Variants in PCLO observed in about 807,000 individuals in gnomAD.
PCLO encodes the protein protein piccolo.
Under a neutral mutation model 427.5 loss-of-function variants are expected in PCLO, and 82 were observed. That is an observed-to-expected ratio of 0.19 (90% CI 0.16 to 0.23). The LOEUF is 0.23. PCLO is among the 10% of genes least tolerant of loss of function. PCLO has a pLI of 1.00. For missense variants in PCLO, 6,239 were observed against 6,115.9 expected (o/e 1.02, Z -0.67); for synonymous variants, 2,357 against 2,155.4 (o/e 1.09, Z -2.59).
intron 3 of PCLO, among the ~76,000 whole-genome samples, chr7:83,101,268 C>G (rs185694552): frequency 6.9e-6 from 1 of 145,536 alleles, no homozygotes; most frequent in Non-Finnish European, 1.5e-5. Flanking sequence ...TTAAAAACAA[C>G]CAAAAAATAA....
At chr7:82,824,657 T>C (rs1229645184) in intron 18 of PCLO, among the ~76,000 whole-genome samples, 2 of 150,774 alleles carry the variant, frequency 1.3e-5, no homozygotes, top group East Asian at 3.9e-4. Context: ...TTTTGACTAT[T>C]AACTAAATTA....
intron 9 of PCLO, among the ~76,000 whole-genome samples, chr7:82,883,342 T>C (rs74754181): frequency 3.0e-3 from 458 of 152,296 alleles, no homozygotes; most frequent in African/African-American, 0.01. Context: ...AATTTAATTT[T>C]ATATTATTTC....
intron 15 of PCLO, among the ~76,000 whole-genome samples, 189 bp downstream of exon 15, chr7:82,838,029 C>T (rs1420852070): frequency 6.6e-6 from 1 of 151,944 alleles, no homozygotes; most frequent in Non-Finnish European, 1.5e-5. Flanking sequence ...TTCTACAACC[C>T]TGTAAGGCTT....
At position 82,916,558 on chromosome 7, in the gene PCLO, C is replaced by G; in HGVS notation, c.11428G>C (p.Glu3810Gln). ...TTTTCTCTCTCCTTTAATAGGGCCTCTTTCCTCCTGTTAATTCCCATTTCC... is the reference window on the plus strand; with the variant it reads ...TTTTCTCTCTCCTTTAATAGGGCCTGTTTCCTCCTGTTAATTCCCATTTCC... The part of the protein sequence containing the change: ...YLEMGINRRK[E>Q]ALLKEREKRE... Residue 3810 changes from glutamate (E) to glutamine (Q), a missense_variant, in exon 7 of 25, where the codon GAG (glutamate) becomes CAG (glutamine). Physicochemically the swap from Glu to Gln is conservative, Grantham distance 29 (BLOSUM62 2). Coordinates refer to ENST00000333891, the MANE Select transcript of PCLO (RefSeq NM_033026.6). The G allele has an allele frequency of 6.2e-7, 1 of 1,613,666 alleles. No homozygotes were observed. Among genetic ancestry groups the G allele is most frequent in the East Asian group, 2.2e-5 (1 of 44,846 alleles).
At chr7:83,049,160 C>A (rs1267961312) in intron 3 of PCLO, among the ~76,000 whole-genome samples, 1 of 152,140 alleles carries the variant, frequency 6.6e-6, no homozygotes, top group Non-Finnish European at 1.5e-5. Context: ...CACTTTCAGC[C>A]TGCTCTGTCA....
intron 3 of PCLO, among the ~76,000 whole-genome samples, chr7:82,986,627 C>T (rs1283619815): frequency 6.6e-6 from 1 of 151,822 alleles, no homozygotes; most frequent in Non-Finnish European, 1.5e-5. Flanking sequence ...GCACAAGATG[C>T]TGAATAAATT....
chr7:82,838,027 C>T lies in PCLO; in HGVS notation c.14222+191G>A, dbSNP rs566487915. On this transcript the variant is annotated intron_variant, in intron 15 of 24. Transcript: ENST00000333891. The stretch of plus-strand genomic sequence containing the variant: ...CATTATGATCACTGTTCTTCTACAA[C>T]CCTGTAAGGCTTAATTACAAGTTTT... Among the ~76,000 whole-genome samples, 12 of 152,008 alleles carry T rather than the reference C, an allele frequency of 7.9e-5. 1 individual carries two copies. The South Asian group carries it at 2.1e-3, about 26-fold the overall frequency.
chr7:82,865,125 C>T (rs1254594046), intron 10 of PCLO, among the ~76,000 whole-genome samples: 1 of 151,992 alleles, frequency 6.6e-6, no homozygotes, highest in African/African-American at 2.4e-5. Flanking sequence ...CTCTTGGCTG[C>T]CTTTTGTCCT....
In PCLO at chr7:82,950,596, G is replaced by C. The variant is rs2116422192; in HGVS notation, c.9992C>G (p.Thr3331Ser). The change falls in exon 6 of 25, where the codon ACT (threonine) becomes AGT (serine). Residue 3331 changes from threonine to serine, a missense_variant. Coordinates refer to ENST00000333891, the MANE Select transcript of PCLO (RefSeq NM_033026.6). Reference protein sequence around the residue: ...DPSGTASPQTTTEQAILEGQY... With the variant: ...DPSGTASPQTSTEQAILEGQY... Reference sequence around the variant, plus strand: ...ACCTTCCAAAATTGCCTGCTCTGTAGTGGTTTGTGGAGAAGCAGTTCCAGA... The same window carrying C: ...ACCTTCCAAAATTGCCTGCTCTGTACTGGTTTGTGGAGAAGCAGTTCCAGA... 1 of 1,613,896 alleles carries C rather than the reference G, an allele frequency of 6.2e-7. No individual in the cohort carries two copies. Among genetic ancestry groups the C allele is most frequent in the Admixed American group, 1.7e-5 (1 of 60,008 alleles).
chr7:82,881,366 C>T (rs1179199598), intron 9 of PCLO, among the ~76,000 whole-genome samples: 3 of 152,142 alleles, frequency 2.0e-5, no homozygotes, highest in Non-Finnish European at 4.4e-5. Context: ...TAGCTGAGCA[C>T]CTTCTAAAAC....
rs529306648 is a variant in PCLO, at chr7:82,889,176, G to A, written c.13529-9714C>T. ...TTCAGTGTTCCCCAGCACAACCCCC[G>A]TGTGGCTCTGTGTCATGTGTGGTGT... On this transcript the variant is annotated intron_variant, in intron 9 of 24. Coordinates refer to ENST00000333891, the MANE Select transcript of PCLO (RefSeq NM_033026.6). Among the ~76,000 whole-genome samples the A allele has an allele frequency of 3.3e-5, 5 of 152,074 alleles. No homozygotes were observed. In the South Asian group the frequency reaches 6.2e-4, roughly 19 times the overall value.
intron 3 of PCLO, among the ~76,000 whole-genome samples, chr7:83,123,692 T>C (rs1008789160): frequency 1.3e-5 from 2 of 151,882 alleles, no homozygotes; most frequent in African/African-American, 4.8e-5. Flanking sequence ...ACAACCCATA[T>C]AATGGGAGAA....
chr7:82,948,043 T>A (rs1795245030), intron 6 of PCLO, among the ~76,000 whole-genome samples: 1 of 152,106 alleles, frequency 6.6e-6, no homozygotes, highest in Non-Finnish European at 1.5e-5. Flanking sequence ...TATTTCAAAG[T>A]TGTTCACATA....
At chr7:82,789,064 AATG>A (rs1184540026) in intron 22 of PCLO, among the ~76,000 whole-genome samples, 3 of 152,066 alleles carry the variant, frequency 2.0e-5, no homozygotes, top group Non-Finnish European at 2.9e-5. Context: ...TATGAAAAAA[AATG>A]ATTAGTTATA....
Position 82,954,124 on chromosome 7 carries a change from C to T in PCLO, c.6829G>A (p.Val2277Ile). The T allele has an allele frequency of 6.2e-7, 1 of 1,613,880 alleles. No individual in the cohort carries two copies. Among genetic ancestry groups the T allele is most frequent in the Non-Finnish European group, 8.5e-7 (1 of 1,179,842 alleles). ...SDMASSIIES[V>I]VPKPEGPVAD... ...ACTGGCCCTTCAGGTTTAGGTACTACAGATTCTATGATAGAAGATGCCATA... is the reference window on the plus strand; with the variant it reads ...ACTGGCCCTTCAGGTTTAGGTACTATAGATTCTATGATAGAAGATGCCATA... Residue 2277 changes from valine to isoleucine, a missense_variant, in exon 5 of 25, where the codon GTA becomes ATA. By Grantham distance (29) the Val-to-Ile change is conservative (BLOSUM62 3). This residue lies in a region of PCLO where 4,677 missense variants were observed against 4,468.4 expected (regional missense o/e 1.05). Transcript: ENST00000333891.
At chr7:82,875,236 C>G (rs952946028) in intron 10 of PCLO, among the ~76,000 whole-genome samples, 1 of 152,120 alleles carries the variant, frequency 6.6e-6, no homozygotes, top group Admixed American at 6.5e-5. Context: ...AAAATTGGTT[C>G]AGGACATTTT....
At chr7:82,905,862 G>A (rs1794176975) in intron 8 of PCLO, among the ~76,000 whole-genome samples, 1 of 151,956 alleles carries the variant, frequency 6.6e-6, no homozygotes, top group Admixed American at 6.6e-5. Context: ...AAGAAGTGCT[G>A]ACCTTTACAA....
chr7:82,878,522 G>C (rs1344064450), intron 10 of PCLO, among the ~76,000 whole-genome samples: 1 of 152,094 alleles, frequency 6.6e-6, no homozygotes, highest in Non-Finnish European at 1.5e-5. Context: ...ATTTATGTTA[G>C]AGAATCTGGA....
At chr7:82,782,418 T>A (rs2129468152) in intron 22 of PCLO, among the ~76,000 whole-genome samples, 1 of 152,314 alleles carries the variant, frequency 6.6e-6, no homozygotes, top group African/African-American at 2.4e-5. Flanking sequence ...AAACTACTAA[T>A]AATTTATTTC....
Sources: gnomAD v4.1 joint callset for allele counts (sites outside exome capture counted in the v4.1 genomes callset) on GRCh38, gnomAD v4.1.1 for gene constraint, gnomAD v4.1.1 regional missense constraint, MANE v1.5 for transcripts, NCBI Gene and HGNC (gene_info 2026-07-23, HGNC 2026-07-21) for gene names.